The following RABGGTA variants were observed in gnomAD, a reference collection of about 807,000 sequenced individuals.
The protein encoded by RABGGTA is geranylgeranyl transferase type-2 subunit alpha.
Under a neutral mutation model 83.3 loss-of-function variants are expected in RABGGTA, and 69 were observed. The ratio of observed to expected loss-of-function variants is 0.83; its 90% CI spans 0.68 to 1.01. RABGGTA has a LOEUF of 1.01. Ranked by LOEUF, RABGGTA falls within the 50% of genes least tolerant of loss-of-function variation. RABGGTA has a pLI of 0.00. For synonymous variants in RABGGTA, 310 were observed against 299.8 expected, an observed-to-expected ratio of 1.03 and a Z score of -0.35; for missense variants, 681 against 712.7, an observed-to-expected ratio of 0.96 and a Z score of 0.51.
intron 14 of RABGGTA, 45 bp downstream of exon 14, chr14:24,267,615 C>T (rs930519363): frequency 6.6e-7 from 1 of 1,514,306 alleles, no homozygotes; most frequent in Non-Finnish European, 9.0e-7. Context: ...CGTGGGGAGG[C>T]CAGCGGGATG....
At position 24,267,671 on chromosome 14, in the gene RABGGTA, G is replaced by A; in HGVS notation, c.1342C>T (p.Leu448=). 2 of 1,610,928 alleles carry A rather than the reference G, an allele frequency of 1.2e-6. No individual in the cohort carries two copies. Among genetic ancestry groups the A allele is most frequent in the Non-Finnish European group, 1.7e-6 (2 of 1,179,364 alleles). ...ATGGCAGCCCATACCTTGTGAGCCAGGTGCAGCACACGCACCTCGGCATAC... is the reference window on the plus strand; with the variant it reads ...ATGGCAGCCCATACCTTGTGAGCCAAGTGCAGCACACGCACCTCGGCATAC... ...MEYAEVRVLH[L]AHKDLTVLCH... is the part of the protein sequence containing the mutation. Residue 448 remains leucine (L), a synonymous_variant, in exon 14 of 17, where the codon CTG becomes TTG. Coordinates refer to ENST00000216840, the MANE Select transcript of RABGGTA (RefSeq NM_182836.3).
rs1018111707 is a variant in RABGGTA at position 24,271,445 on chromosome 14, C to T, written c.-55+42G>A. 21 of 249,482 alleles carry T rather than the reference C, an allele frequency of 8.4e-5. No homozygotes were observed. In the East Asian group the frequency reaches 1.4e-3, roughly 16 times the overall value. 15.5% of individuals were successfully genotyped at this position (249,482 alleles called of 1,614,324 possible). A position where few individuals can be genotyped will look rare whatever the true frequency, so the allele number is the denominator to read the frequency against. On this transcript the variant is annotated intron_variant, in intron 1 of 16. Transcript: ENST00000216840. ...CAAAGGTTGCCGCTACCCGCCCGTC[C>T]CACGGCTCCCGGGCACCCCCGCCCC...
chr14:24,266,021 A>G (rs1013245286), intron 16 of RABGGTA, among the ~76,000 whole-genome samples: 12 of 152,218 alleles, frequency 7.9e-5, no homozygotes, highest in Non-Finnish European at 1.5e-4. Context: ...GTGGAAATCT[A>G]GCCTGGTCCA....
chr14:24,265,855 G>A, intron 16 of RABGGTA, 92 bp from the exon 17 acceptor site: 1 of 1,465,338 alleles, frequency 6.8e-7, no homozygotes, highest in Non-Finnish European at 9.1e-7. Flanking sequence ...CTGCCTGGAA[G>A]TCTGTTTGAT....
At chr14:24,271,243 G>A in intron 1 of RABGGTA, 74 bp from the exon 2 acceptor site, 3 of 1,261,366 alleles carry the variant, frequency 2.4e-6, no homozygotes, top group Non-Finnish European at 3.2e-6. Context: ...GAAGCAGCAA[G>A]CGTGCCTGGG....
rs368480869 is a variant in RABGGTA, at chr14:24,268,389, C to G, written c.1038G>C (p.Thr346=). The G allele has an allele frequency of 1.9e-6, 3 of 1,613,270 alleles. No homozygotes were observed. The highest frequency in any genetic ancestry group is 3.3e-5 in the Admixed American group (2 of 60,002). ...GRQEGWCRDS[T]TDEQLFRCEL... is the part of the protein sequence containing the mutation. ...ACCACCTGAATAGCTGCTCGTCTGT[C>G]GTGGAGTCCCGGCACCAGCCCTCCT... The change falls in exon 11 of 17, where the codon ACG becomes ACC. Residue 346 remains threonine, a synonymous_variant. Coordinates refer to ENST00000216840, the MANE Select transcript of RABGGTA (RefSeq NM_182836.3).
chr14:24,269,633 C>T lies in RABGGTA; in HGVS notation c.489G>A (p.Glu163=). Residue 163 remains glutamate, a synonymous_variant, in exon 6 of 17, where the codon GAG becomes GAA. Transcript: ENST00000216840. ...ATQAAVPPAE[E]LAFTDSLITR... ...TGATGAGGCTGTCAGTGAAGGCTAG[C>T]TCTTCTGCAGGGGGCACGGCTGCCT... 6.2e-7 allele frequency: 1 copy of T among 1,613,982 alleles called. No individual in the cohort carries two copies. Among genetic ancestry groups the T allele is most frequent in the Non-Finnish European group, 8.5e-7 (1 of 1,179,866 alleles).
chr14:24,266,043 A>C (rs2040869242), intron 16 of RABGGTA, among the ~76,000 whole-genome samples: 3 of 152,238 alleles, frequency 2.0e-5, no homozygotes, highest in Admixed American at 6.5e-5. Context: ...AGAGACATTT[A>C]CTATTCAGCA....
At position 24,269,083 on chromosome 14, in the gene RABGGTA, G is replaced by A. The variant is rs1031958151; in HGVS notation, c.712C>T (p.Arg238Ter). 5 of 1,607,282 alleles carry A rather than the reference G, an allele frequency of 3.1e-6. No individual in the cohort carries two copies. The highest frequency in any genetic ancestry group is 2.2e-5 in the East Asian group (1 of 44,726). ...AWFYHRWLLG[R>*]ADPQDALRCL... Reference sequence around the variant, plus strand: ...AGCCCCTTTCCTCATTGCTCACCTCGGCCTAGGAGCCAACGGTGATAAAAC... The same window carrying A: ...AGCCCCTTTCCTCATTGCTCACCTCAGCCTAGGAGCCAACGGTGATAAAAC... The change falls in exon 7 of 17, where the codon CGA (arginine) becomes TGA (stop). Residue 238 changes from arginine (R) to a stop codon, truncating the protein, a stop_gained. Coordinates refer to ENST00000216840, the MANE Select transcript of RABGGTA (RefSeq NM_182836.3). LOFTEE classifies it high-confidence loss of function.
intron 3 of RABGGTA, among the ~76,000 whole-genome samples, 171 bp downstream of exon 3, chr14:24,270,666 G>A (rs922549088): frequency 1.3e-5 from 2 of 152,202 alleles, no homozygotes; most frequent in African/African-American, 2.4e-5. Flanking sequence ...CCATTTTACA[G>A]ATGAGCAAAC....
At chr14:24,266,263 C>T (rs2040871973) in intron 16 of RABGGTA, among the ~76,000 whole-genome samples, 167 bp downstream of exon 16, 1 of 152,122 alleles carries the variant, frequency 6.6e-6, no homozygotes, top group African/African-American at 2.4e-5. Context: ...CAGTGCAGGT[C>T]AGTGATAGCC....
At chr14:24,270,209 T>C in intron 4 of RABGGTA, 69 bp from the exon 5 acceptor site, 1 of 1,555,932 alleles carries the variant, frequency 6.4e-7, no homozygotes, top group Non-Finnish European at 8.7e-7. Flanking sequence ...CCTCACTTTC[T>C]GCACCCAGCC....
At chr14:24,269,716 A>G (rs769521946) in intron 5 of RABGGTA, 22 bp from the exon 6 acceptor site, 23 of 1,611,614 alleles carry the variant, frequency 1.4e-5, no homozygotes, top group Non-Finnish European at 1.8e-5. Context: ...AGGTGACAGC[A>G]TATCTTAGAG....
chr14:24,265,692 T>C lies in RABGGTA; in HGVS notation c.1627A>G (p.Asn543Asp). The change falls in exon 17 of 17, where the codon AAC (asparagine) becomes GAC (aspartate). Residue 543 changes from asparagine (N) to aspartate (D), a missense_variant. Transcript: ENST00000216840. ...PRLVLLNLQG[N>D]PLCQAVGILE... ...ATGCCCACCGCTTGGCACAGCGGGT[T>C]ACCCTGCAGGTTGAGGAGGACCAGC... 1 of 1,613,410 alleles carries C rather than the reference T, an allele frequency of 6.2e-7. No individual in the cohort carries two copies. Among genetic ancestry groups the C allele is most frequent in the East Asian group, 2.2e-5 (1 of 44,872 alleles).
Position 24,265,711 on chromosome 14 carries a change from G to GACC in RABGGTA, c.1605_1607dup (p.Val536dup). 6.2e-7 allele frequency: 1 copy of GACC among 1,612,630 alleles called. No homozygotes were observed. The highest frequency in any genetic ancestry group is 1.1e-5 in the South Asian group (1 of 90,728). On this transcript the variant is annotated inframe_insertion, in exon 17 of 17. Transcript: ENST00000216840. Reference sequence around the variant, plus strand: ...GCGGGTTACCCTGCAGGTTGAGGAGGACCAGCCTGGGGCAGGAGGCAAGAG... The same window carrying GACC: ...GCGGGTTACCCTGCAGGTTGAGGAGGACCACCAGCCTGGGGCAGGAGGCAAGAG...
rs2040933239 is a variant in RABGGTA at position 24,270,445 on chromosome 14, T to A, written c.128A>T (p.Glu43Val). The change falls in exon 4 of 17, where the codon GAG becomes GTG. Residue 43 changes from glutamate to valine, a missense_variant. Glu to Val is a moderately radical substitution (Grantham distance 121, BLOSUM62 -2). Coordinates refer to ENST00000216840, the MANE Select transcript of RABGGTA (RefSeq NM_182836.3). ...QAVFQKRQAG[E>V]LDESVLELTS... is the part of the protein sequence containing the mutation. ...CAGTTCCAGCACGGACTCATCCAGC[T>A]CACCAGCCTGGCGCTAAGAAGATAG... 1 of 1,613,892 alleles carries A rather than the reference T, an allele frequency of 6.2e-7. No individual in the cohort carries two copies. The highest frequency in any genetic ancestry group is 1.3e-5 in the African/African-American group (1 of 74,912).
At position 24,269,103 on chromosome 14, in the gene RABGGTA, T is replaced by C; in HGVS notation, c.692A>G (p.Tyr231Cys). 6.2e-7 allele frequency: 1 copy of C among 1,611,210 alleles called. No individual in the cohort carries two copies. The highest frequency in any genetic ancestry group is 2.2e-5 in the East Asian group (1 of 44,862). Residue 231 changes from tyrosine to cysteine, a missense_variant, in exon 7 of 17, where the codon TAT becomes TGT. This residue lies in a region of RABGGTA where 11 missense variants were observed against 31.8 expected (regional missense o/e 0.35). Transcript: ENST00000216840. Reference sequence around the variant, plus strand: ...ACCTCGGCCTAGGAGCCAACGGTGATAAAACCAGGCACTCTGGTCATTGGG... The same window carrying C: ...ACCTCGGCCTAGGAGCCAACGGTGACAAAACCAGGCACTCTGGTCATTGGG... ...TDPNDQSAWFYHRWLLGRADP... is the reference protein window; with the variant it reads ...TDPNDQSAWFCHRWLLGRADP...
Position 24,269,243 on chromosome 14 carries a change from T to C in RABGGTA, c.632-80A>G, listed in dbSNP as rs909883387. On this transcript the variant is annotated intron_variant, in intron 6 of 16. Coordinates refer to ENST00000216840, the MANE Select transcript of RABGGTA (RefSeq NM_182836.3). ...CCACTCCAACACCCTACCCTCTCCT[T>C]GGAGTACTTCCAGCCCCCAGTCTCA... is the stretch of plus-strand genomic sequence containing the variant. 233 of 1,344,556 alleles carry C rather than the reference T, an allele frequency of 1.7e-4. 2 individuals are homozygous for C. The highest frequency in any genetic ancestry group is 3.2e-5 in the Non-Finnish European group (31 of 964,844). The allele number at this position is 1,344,556 out of a possible 1,614,324, so 83.3% of individuals were successfully genotyped here.
At chr14:24,270,756 C>G in intron 3 of RABGGTA, 81 bp downstream of exon 3, 1 of 1,534,584 alleles carries the variant, frequency 6.5e-7, no homozygotes, top group South Asian at 1.2e-5. Flanking sequence ...TCTAGGCAGT[C>G]TGACTCTAGG....
Sources: allele counts gnomAD v4.1 joint callset (sites outside exome capture counted in the v4.1 genomes callset), GRCh38; gene constraint gnomAD v4.1.1; regional missense constraint gnomAD v4.1.1; transcripts MANE v1.5; gene names NCBI Gene and HGNC (gene_info 2026-07-23, HGNC 2026-07-21).